The following MAP4K3 variants were observed in gnomAD, a reference collection of about 807,000 sequenced individuals.
MAP4K3 encodes mitogen-activated protein kinase kinase kinase kinase 3.
MAP4K3 carries 94 observed loss-of-function variants against 143.5 expected under a neutral mutation model. That is an observed-to-expected ratio of 0.65 (90% CI 0.55 to 0.78). The LOEUF is 0.78. MAP4K3 is among the 30% of genes least tolerant of loss of function. The pLI is 0.00. For synonymous variants in MAP4K3, 416 were observed against 347.2 expected, an observed-to-expected ratio of 1.20 and a Z score of -2.20; for missense variants, 1,077 against 1,068.1, an observed-to-expected ratio of 1.01 and a Z score of -0.12.
intron 1 of MAP4K3, among the ~76,000 whole-genome samples, chr2:39,407,074 G>C (rs1211335110): frequency 6.6e-6 from 1 of 152,062 alleles, no homozygotes; most frequent in African/African-American, 2.4e-5. Flanking sequence ...TTTAGTATTA[G>C]AAAAATCAAT....
At position 39,331,976 on chromosome 2, in the gene MAP4K3, T is replaced by C. The variant is rs1165689797; in HGVS notation, c.471A>G (p.Val157=). The C allele has an allele frequency of 6.5e-7, 1 of 1,544,838 alleles. No homozygotes were observed. Residue 157 remains valine (V), a synonymous_variant, in exon 8 of 34, where the codon GTA becomes GTG. Transcript: ENST00000263881. ...CAATTGTAGCTGTTATCTGTGCAGA[T>C]ACTCCAAAATCAGCTATTAAAAAAA... ...NGHVKLADFG[V]SAQITATIAK...
At chr2:39,376,197 T>C (rs1418308569) in intron 2 of MAP4K3, among the ~76,000 whole-genome samples, 1 of 152,204 alleles carries the variant, frequency 6.6e-6, no homozygotes, top group Non-Finnish European at 1.5e-5. Context: ...CTGTTTGTGA[T>C]TACACTTTTT....
In MAP4K3 at chr2:39,265,266, T is replaced by G. The variant is rs143766353; in HGVS notation, c.2073A>C (p.Ala691=). 1.2e-6 allele frequency: 2 copies of G among 1,613,490 alleles called. No homozygotes were observed. Among genetic ancestry groups the G allele is most frequent in the Non-Finnish European group, 1.7e-6 (2 of 1,179,598 alleles). The change falls in exon 28 of 34, where the codon GCA becomes GCC. Residue 691 remains alanine, a synonymous_variant. Coordinates refer to ENST00000263881, the MANE Select transcript of MAP4K3 (RefSeq NM_003618.4). The part of the protein sequence containing the change: ...PYTGHKYLCG[A]LQTSIVLLEW... ...CTAATAGAACAATGCTAGTCTGAAG[T>G]GCTCCACATAGGTATTTATGGCCCG... is the stretch of plus-strand genomic sequence containing the variant.
At chr2:39,363,874 A>T (rs962136004) in intron 2 of MAP4K3, among the ~76,000 whole-genome samples, 25 of 151,702 alleles carry the variant, frequency 1.6e-4, no homozygotes, top group African/African-American at 5.8e-4. Flanking sequence ...GAAATTTCTC[A>T]AAAAAAGATA....
At chr2:39,425,712 G>A (rs1323162596) in intron 1 of MAP4K3, among the ~76,000 whole-genome samples, 1 of 151,952 alleles carries the variant, frequency 6.6e-6, no homozygotes, top group Non-Finnish European at 1.5e-5. Context: ...ATGTTGTTAC[G>A]GCAGTCCTAG....
At chr2:39,347,405 A>C (rs1379967315) in intron 3 of MAP4K3, among the ~76,000 whole-genome samples, 1 of 152,190 alleles carries the variant, frequency 6.6e-6, no homozygotes, top group African/African-American at 2.4e-5. Context: ...GCCAGCCTAG[A>C]GTTCTTAAGA....
chr2:39,328,961 C>A (rs1683594667), intron 8 of MAP4K3, among the ~76,000 whole-genome samples: 1 of 152,106 alleles, frequency 6.6e-6, no homozygotes, highest in Non-Finnish European at 1.5e-5. Flanking sequence ...TGAATAACTG[C>A]CGATCTAATC....
intron 28 of MAP4K3, among the ~76,000 whole-genome samples, chr2:39,265,000 T>C (rs557377682): frequency 6.6e-6 from 1 of 152,306 alleles, no homozygotes; most frequent in Admixed American, 6.5e-5. Flanking sequence ...CGCCATACCC[T>C]TGCATTATTT....
intron 1 of MAP4K3, among the ~76,000 whole-genome samples, chr2:39,393,671 A>C (rs1666729092): frequency 6.6e-6 from 1 of 152,084 alleles, no homozygotes; most frequent in Non-Finnish European, 1.5e-5. Flanking sequence ...GAATGAACCA[A>C]TTTCTAGAAT....
At chr2:39,389,698 G>A (rs1666601103) in intron 1 of MAP4K3, among the ~76,000 whole-genome samples, 2 of 152,032 alleles carry the variant, frequency 1.3e-5, no homozygotes. Flanking sequence ...ATAAAATAGG[G>A]CAAAATAAAG....
At chr2:39,275,637 G>C (rs925277538) in intron 24 of MAP4K3, among the ~76,000 whole-genome samples, 1 of 151,922 alleles carries the variant, frequency 6.6e-6, no homozygotes, top group Non-Finnish European at 1.5e-5. Context: ...GACCACCTTT[G>C]AATTATTTAC....
chr2:39,362,423 C>T (rs980781816), intron 2 of MAP4K3, among the ~76,000 whole-genome samples: 25 of 152,182 alleles, frequency 1.6e-4, no homozygotes, highest in African/African-American at 5.8e-4. Flanking sequence ...CATTTATATA[C>T]ACTAACAACA....
chr2:39,270,885 G>T (rs1295701315), intron 26 of MAP4K3, among the ~76,000 whole-genome samples: 2 of 152,028 alleles, frequency 1.3e-5, no homozygotes, highest in Non-Finnish European at 2.9e-5. Context: ...ATAAGTGAGA[G>T]AATTAAAAGA....
intron 19 of MAP4K3, 145 bp from the exon 20 acceptor site, chr2:39,288,425 C>CT: frequency 1.6e-6 from 1 of 615,436 alleles, no homozygotes; most frequent in South Asian, 2.6e-5. Context: ...CTCAACCATC[C>CT]AATTCAGACT....
chr2:39,308,702 T>C lies in MAP4K3; in HGVS notation c.1057-697A>G, dbSNP rs1170609626. Among the ~76,000 whole-genome samples, 9 of 152,300 alleles carry C rather than the reference T, an allele frequency of 5.9e-5. No homozygotes were observed. The East Asian group carries it at 1.7e-3, about 29-fold the overall frequency. On this transcript the variant is annotated intron_variant, in intron 14 of 33. Coordinates refer to ENST00000263881, the MANE Select transcript of MAP4K3 (RefSeq NM_003618.4). ...CTCAAATAGATGCAAAGTATTTTGC[T>C]TTTATGACTGAATCTAATATATTAT...
Position 39,296,757 on chromosome 2 carries a change from C to T in MAP4K3, c.1178+2986G>A, listed in dbSNP as rs780827938. Among the ~76,000 whole-genome samples, 94 of 152,330 alleles carry T rather than the reference C, an allele frequency of 6.2e-4. 2 individuals carry two copies. In the Middle Eastern group the frequency reaches 0.01, roughly 17 times the overall value. On this transcript the variant is annotated intron_variant, in intron 16 of 33. Coordinates refer to ENST00000263881, the MANE Select transcript of MAP4K3 (RefSeq NM_003618.4). Reference sequence around the variant, plus strand: ...ACAGCAGTTTTATTCACTCACATTACTACTTGTTCATACAATCAACAATTA... The same window carrying T: ...ACAGCAGTTTTATTCACTCACATTATTACTTGTTCATACAATCAACAATTA...
chr2:39,334,233 A>G (rs1683785652), intron 6 of MAP4K3, among the ~76,000 whole-genome samples: 1 of 152,150 alleles, frequency 6.6e-6, no homozygotes, highest in African/African-American at 2.4e-5. Context: ...CTAAGCTCAA[A>G]GTAGATAATG....
intron 1 of MAP4K3, among the ~76,000 whole-genome samples, chr2:39,428,187 G>A (rs538643826): frequency 1.3e-5 from 2 of 152,232 alleles, no homozygotes; most frequent in South Asian, 4.2e-4. Context: ...TTATATCAGG[G>A]TTTAAGTTCC....
At chr2:39,363,930 G>C (rs1665843164) in intron 2 of MAP4K3, among the ~76,000 whole-genome samples, 2 of 145,802 alleles carry the variant, frequency 1.4e-5, no homozygotes, top group African/African-American at 5.1e-5. Context: ...CAACATTACT[G>C]TCTTCAGGGA....
Sources: allele counts gnomAD v4.1 joint callset (sites outside exome capture counted in the v4.1 genomes callset), GRCh38; gene constraint gnomAD v4.1.1; transcripts MANE v1.5; gene names NCBI Gene and HGNC (gene_info 2026-07-23, HGNC 2026-07-21).